CRADD: variants seen among roughly 807,000 people sequenced by gnomAD.
CRADD encodes CARD and death domain containing adaptor protein, also known as death domain-containing protein CRADD.
In CRADD, 9 loss-of-function variants were observed where a neutral mutation model predicts 15.5. The ratio of observed to expected loss-of-function variants is 0.58; its 90% CI spans 0.35 to 1.01. The LOEUF is 1.01. Among genes scored for constraint, CRADD ranks in the 50% least tolerant of loss-of-function variants. The pLI, the probability that CRADD is intolerant of heterozygous loss-of-function variation, is 0.02. For synonymous variants in CRADD, 118 were observed against 107.6 expected (o/e 1.10, Z -0.60); for missense variants, 227 against 250.3 (o/e 0.91, Z 0.63).
chr12:93,776,129 A>G (rs1297669503), intron 2 of CRADD, among the ~76,000 whole-genome samples: 1 of 152,226 alleles, frequency 6.6e-6, no homozygotes, highest in African/African-American at 2.4e-5. Context: ...TGATATCTTT[A>G]ATTAATATAT....
At chr12:93,867,984 T>C (rs1430298699) in intron 2 of CRADD, among the ~76,000 whole-genome samples, 1 of 152,210 alleles carries the variant, frequency 6.6e-6, no homozygotes, top group African/African-American at 2.4e-5. Flanking sequence ...ATGAGCATGT[T>C]TGTGTTTATG....
At chr12:93,823,685 G>C (rs1378699745) in intron 2 of CRADD, among the ~76,000 whole-genome samples, 2 of 152,156 alleles carry the variant, frequency 1.3e-5, no homozygotes, top group Non-Finnish European at 2.9e-5. Flanking sequence ...TGTCTTTTTA[G>C]AAGTAAGGTA....
At position 93,830,003 on chromosome 12, in the gene CRADD, A is replaced by G. The variant is rs530998880; in HGVS notation, c.299-19967A>G. On this transcript the variant is annotated intron_variant, in intron 2 of 2. Transcript: ENST00000332896. The stretch of plus-strand genomic sequence containing the variant: ...CACCACGCCCGGCGGTTATTTCAAC[A>G]GTTGCTTATGGAGCACTCCTGATGT... Among the ~76,000 whole-genome samples, 61 of 152,218 alleles carry G rather than the reference A, an allele frequency of 4.0e-4. No homozygotes were observed. In the South Asian group the frequency reaches 0.012, roughly 29 times the overall value.
intron 2 of CRADD, among the ~76,000 whole-genome samples, chr12:93,737,379 T>C (rs1180142417): frequency 1.3e-5 from 2 of 152,286 alleles, no homozygotes; most frequent in Non-Finnish European, 2.9e-5. Context: ...CAGAGTCATA[T>C]ACTGTATGTG....
chr12:93,827,751 T>G (rs776234697), intron 2 of CRADD, among the ~76,000 whole-genome samples: 7 of 151,708 alleles, frequency 4.6e-5, no homozygotes, highest in African/African-American at 7.3e-5. Context: ...CCAATTTTAT[T>G]GTGGTAAGAA....
chr12:93,750,253 T>C (rs117083061), intron 2 of CRADD, among the ~76,000 whole-genome samples: 3 of 152,250 alleles, frequency 2.0e-5, no homozygotes, highest in East Asian at 3.9e-4. Context: ...GTGGTTATCA[T>C]GGACAACTGA....
At chr12:93,835,452 C>T (rs761138737) in intron 2 of CRADD, among the ~76,000 whole-genome samples, 4 of 152,052 alleles carry the variant, frequency 2.6e-5, no homozygotes, top group Non-Finnish European at 5.9e-5. Context: ...TTTGTAAAAA[C>T]GAAGTATGCT....
At chr12:93,879,020 AT>A (rs1406343387) in intron 2 of CRADD, among the ~76,000 whole-genome samples, 6 of 151,582 alleles carry the variant, frequency 4.0e-5, no homozygotes, top group Non-Finnish European at 7.4e-5. Flanking sequence ...TATTAAGCAG[AT>A]TTTTTTCTTC....
Position 93,863,324 on chromosome 12 carries a change from G to A in CRADD, c.299-30726G>A, listed in dbSNP as rs76213859. ...CCAGGCCTCTGCGGTCTGTCCCCAC[G>A]CTTGCCAGGACTTCTCATCCCTTTG... On this transcript the variant is annotated intron_variant, in intron 2 of 2. Transcript: ENST00000548483. 1.0e-2 allele frequency among the ~76,000 whole-genome samples: 1,515 copies of A among 152,074 alleles called. 13 individuals carry two copies. Among genetic ancestry groups the A allele is most frequent in the Non-Finnish European group, 0.016 (1,081 of 67,980 alleles).
rs140339926 is a variant in CRADD at position 93,857,083 on chromosome 12, C to A, written c.299-36967C>A. On this transcript the variant is annotated intron_variant, in intron 2 of 2. Coordinates refer to the CRADD transcript ENST00000548483. ...AAATATATGGCAATAATTCTGATAG[C>A]TATTGTTAATTCAAAGCATAGGCTA... 8.3e-4 allele frequency among the ~76,000 whole-genome samples: 126 copies of A among 151,804 alleles called. No individual in the cohort carries two copies. In the Middle Eastern group the frequency reaches 0.024, roughly 29 times the overall value.
At chr12:93,713,074 A>T (rs1039525711) in intron 2 of CRADD, among the ~76,000 whole-genome samples, 20 of 151,842 alleles carry the variant, frequency 1.3e-4, no homozygotes, top group Admixed American at 1.2e-3. Flanking sequence ...GTTTTTTTTT[A>T]AAGCCATTTT....
intron 2 of CRADD, among the ~76,000 whole-genome samples, chr12:93,805,576 A>G (rs1957527906): frequency 1.2e-5 from 1 of 84,482 alleles, no homozygotes; most frequent in Non-Finnish European, 2.3e-5. Context: ...TTTTGTGTGT[A>G]TAAATAAATA....
At chr12:93,892,734 G>A (rs555405319) in intron 2 of CRADD, among the ~76,000 whole-genome samples, 1 of 152,152 alleles carries the variant, frequency 6.6e-6, no homozygotes, top group Non-Finnish European at 1.5e-5. Context: ...TTCTGGAAGG[G>A]ATCATTCGGG....
intron 2 of CRADD, among the ~76,000 whole-genome samples, chr12:93,743,258 C>G (rs1474406128): frequency 6.6e-6 from 1 of 152,072 alleles, no homozygotes; most frequent in East Asian, 1.9e-4. Flanking sequence ...TTCTAGGGAT[C>G]TTTTTATAAC....
chr12:93,889,759 C>T (rs1352558773), intron 2 of CRADD, among the ~76,000 whole-genome samples: 1 of 152,150 alleles, frequency 6.6e-6, no homozygotes, highest in African/African-American at 2.4e-5. Flanking sequence ...GGGATGTGGT[C>T]AGTAAATTGG....
At chr12:93,825,186 T>C (rs1161461290) in intron 2 of CRADD, among the ~76,000 whole-genome samples, 3 of 152,204 alleles carry the variant, frequency 2.0e-5, no homozygotes, top group Non-Finnish European at 4.4e-5. Flanking sequence ...GGAATTATAC[T>C]TGAACTAGCC....
chr12:93,775,395 G>A (rs1469347216), intron 2 of CRADD, among the ~76,000 whole-genome samples: 2 of 152,300 alleles, frequency 1.3e-5, no homozygotes, highest in Middle Eastern at 3.4e-3. Flanking sequence ...GTGCAAACAC[G>A]TATATAGGTT....
rs561798905 is a variant in CRADD, at chr12:93,814,573, G to A, written c.299-35397G>A. ...AAACACTGCAGTTAGAATCAGAAGT[G>A]TTGCAACTAGCACAACTGCTGCTGT... On this transcript the variant is annotated intron_variant, in intron 2 of 2. Transcript: ENST00000332896. Among the ~76,000 whole-genome samples the A allele has an allele frequency of 5.9e-5, 9 of 152,338 alleles. No individual in the cohort carries two copies. In the East Asian group the frequency reaches 1.7e-3, roughly 29 times the overall value.
chr12:93,783,035 G>A (rs1957229411), intron 2 of CRADD, among the ~76,000 whole-genome samples: 1 of 152,044 alleles, frequency 6.6e-6, no homozygotes, highest in South Asian at 2.1e-4. Flanking sequence ...TATTTGAGAG[G>A]CAGAATTTTG....
Sources: allele counts gnomAD v4.1 joint callset (sites outside exome capture counted in the v4.1 genomes callset), GRCh38; gene constraint gnomAD v4.1.1; transcripts MANE v1.5; gene names NCBI Gene and HGNC (gene_info 2026-07-23, HGNC 2026-07-21).